CTDP1: variants seen among roughly 807,000 people sequenced by gnomAD.
CTDP1 encodes CTD phosphatase 1.
Under a neutral mutation model 91.8 loss-of-function variants are expected in CTDP1, and 47 were observed. That is an observed-to-expected ratio of 0.51 (90% CI 0.41 to 0.65). CTDP1 has a LOEUF of 0.65. CTDP1 is among the 30% of genes least tolerant of loss of function. The pLI is 0.00. For synonymous variants in CTDP1, 656 were observed against 598.5 expected (o/e 1.10, Z -1.40); for missense variants, 1,272 against 1,373.7 (o/e 0.93, Z 1.17).
intron 10 of CTDP1, among the ~76,000 whole-genome samples, chr18:79,726,153 C>T (rs572998826): frequency 1.3e-5 from 2 of 152,244 alleles, no homozygotes; most frequent in African/African-American, 4.8e-5. Context: ...GTATCTCGTG[C>T]ATCTCTAAGC....
intron 10 of CTDP1, among the ~76,000 whole-genome samples, chr18:79,726,904 G>A (rs568119125): frequency 2.8e-5 from 4 of 141,522 alleles, no homozygotes; most frequent in East Asian, 2.5e-4. Flanking sequence ...GATGGCTGTC[G>A]GGGTGGGATG....
In CTDP1 at chr18:79,713,094, T is replaced by C; in HGVS notation, c.986T>C (p.Met329Thr). The C allele has an allele frequency of 1.2e-6, 2 of 1,614,136 alleles. No homozygotes were observed. The highest frequency in any genetic ancestry group is 1.7e-6 in the Non-Finnish European group (2 of 1,180,032). ...GTATACTTCCAGGGCACGGGTGATA[T>C]GAATGCGCCCCCTGGGTCCCGAGAA... Reference protein sequence around the residue: ...KYVYFQGTGDMNAPPGSRESQ... With the variant: ...KYVYFQGTGDTNAPPGSRESQ... The change falls in exon 7 of 13, where the codon ATG (methionine) becomes ACG (threonine). Residue 329 changes from methionine (M) to threonine (T), a missense_variant. By Grantham distance (81) the Met-to-Thr change is moderately conservative. This residue lies in a region of CTDP1 where 881 missense variants were observed against 911.6 expected (regional missense o/e 0.97). Coordinates refer to ENST00000613122, the MANE Select transcript of CTDP1 (RefSeq NM_004715.5). This position sits in a 1 kb window ranked among gnomAD's most constrained non-coding sequence, Gnocchi z 4.7.
chr18:79,708,212 A>G (rs960830021), intron 5 of CTDP1, among the ~76,000 whole-genome samples: 1 of 152,244 alleles, frequency 6.6e-6, no homozygotes, highest in Non-Finnish European at 1.5e-5. Context: ...TACGGATCCC[A>G]CAGTGCATTG....
intron 12 of CTDP1, among the ~76,000 whole-genome samples, chr18:79,751,506 C>G (rs181524084): frequency 6.6e-6 from 1 of 152,276 alleles, no homozygotes; most frequent in Admixed American, 6.5e-5. Context: ...CGTGACTGAT[C>G]GGCTGTGTGT....
chr18:79,705,004 A>C (rs1452468847), intron 5 of CTDP1, 87 bp downstream of exon 5: 1 of 1,584,216 alleles, frequency 6.3e-7, no homozygotes, highest in Non-Finnish European at 8.6e-7. Context: ...TGAAGAAAGA[A>C]AAGAAGCTCT....
chr18:79,677,923 CTG>C (rs1454766198), upstream of CTDP1: 2 of 152,226 alleles, frequency 1.3e-5, no homozygotes, highest in Non-Finnish European at 2.9e-5. Context: ...AACTGAAAAA[CTG>C]TGACTGCTGG....
chr18:79,697,986 A>C lies in CTDP1; in HGVS notation c.619A>C (p.Lys207Gln). The change falls in exon 4 of 13, where the codon AAA (lysine) becomes CAA (glutamine). Residue 207 changes from lysine to glutamine, a missense_variant and splice_region_variant. By Grantham distance (53) the Lys-to-Gln change is moderately conservative (BLOSUM62 1). Transcript: ENST00000613122. ...TEQHCQQMSN[K>Q]GIFHFQLGRG... ...GCAGCACTGTCAGCAGATGTCGAATAAAGTGAGTGCAGTCAGCATCTACGG... is the reference window on the plus strand; with the variant it reads ...GCAGCACTGTCAGCAGATGTCGAATCAAGTGAGTGCAGTCAGCATCTACGG... 1 of 1,614,222 alleles carries C rather than the reference A, an allele frequency of 6.2e-7. No individual in the cohort carries two copies. The highest frequency in any genetic ancestry group is 1.3e-5 in the African/African-American group (1 of 75,066).
intron 12 of CTDP1, among the ~76,000 whole-genome samples, chr18:79,747,511 T>G (rs2086904821): frequency 6.6e-6 from 1 of 152,154 alleles, no homozygotes; most frequent in African/African-American, 2.4e-5. Context: ...CCCAGCCCTG[T>G]GTTGTAGGTG....
intron 11 of CTDP1, among the ~76,000 whole-genome samples, chr18:79,732,600 G>A (rs994484467): frequency 6.9e-5 from 10 of 144,752 alleles, no homozygotes; most frequent in East Asian, 6.4e-4. Flanking sequence ...CCAAAATCAC[G>A]TGAGACATGA....
At chr18:79,729,816 G>C (rs536273256) in intron 11 of CTDP1, among the ~76,000 whole-genome samples, 5 of 152,214 alleles carry the variant, frequency 3.3e-5, no homozygotes, top group Admixed American at 3.3e-4. Context: ...CTCCTGTAAG[G>C]TGCCCTCATG....
chr18:79,723,555 G>C (rs533187977), intron 10 of CTDP1, among the ~76,000 whole-genome samples: 6 of 152,216 alleles, frequency 3.9e-5, no homozygotes, highest in Non-Finnish European at 8.8e-5. Context: ...CTGGGGACCT[G>C]GGGGTGAGTG....
Position 79,736,178 on chromosome 18 carries a change from G to A in CTDP1, c.2581-177G>A, listed in dbSNP as rs637103. 0.033 allele frequency: 25,420 copies of A among 761,338 alleles called. 1,162 individuals are homozygous for A. The highest frequency in any genetic ancestry group is 0.18 in the East Asian group (6,743 of 36,702). The allele number at this position is 761,338 out of a possible 1,614,324, so 47.2% of individuals were successfully genotyped here. On this transcript the variant is annotated intron_variant, in intron 11 of 12. Transcript: ENST00000613122. ...GTGGATTTCCAAGCGTCTTTTGCCC[G>A]GGGCTTTGTTAAGGATTGGTTGAGT...
intron 11 of CTDP1, 21 bp downstream of exon 11, chr18:79,729,090 G>C: frequency 6.2e-7 from 1 of 1,612,036 alleles, no homozygotes; most frequent in African/African-American, 1.3e-5. Context: ...CCCACGCCCC[G>C]GTGCCCGCGC....
chr18:79,692,528 C>G (rs2085646263), intron 1 of CTDP1, among the ~76,000 whole-genome samples: 1 of 152,254 alleles, frequency 6.6e-6, no homozygotes, highest in Non-Finnish European at 1.5e-5. Flanking sequence ...TAGAGCCACC[C>G]CAGATCCTTC....
chr18:79,697,761 G>A, intron 3 of CTDP1, 99 bp from the exon 4 acceptor site: 1 of 1,545,404 alleles, frequency 6.5e-7, no homozygotes, highest in Non-Finnish European at 8.9e-7. Flanking sequence ...GGCTGGAGGG[G>A]AACACATTGA....
chr18:79,706,962 G>A (rs183507007), intron 5 of CTDP1, among the ~76,000 whole-genome samples: 5 of 152,364 alleles, frequency 3.3e-5, no homozygotes, highest in Admixed American at 6.5e-5. Flanking sequence ...TCTGGTGCCC[G>A]TGCAAGTGTT....
At position 79,680,250 on chromosome 18, in the gene CTDP1, G is replaced by T; in HGVS notation, c.303G>T (p.Val101=). The T allele has an allele frequency of 7.7e-7, 1 of 1,300,932 alleles. No individual in the cohort carries two copies. The highest frequency in any genetic ancestry group is 9.7e-7 in the Non-Finnish European group (1 of 1,029,192). 80.6% of individuals were successfully genotyped at this position (1,300,932 alleles called of 1,614,324 possible). A position where few individuals can be genotyped will look rare whatever the true frequency, so the allele number is the denominator to read the frequency against. Residue 101 remains valine, a synonymous_variant, in exon 1 of 13, where the codon GTG becomes GTT. Transcript: ENST00000613122. ...AGCTGTGCGCGCAGCCGGGCCAGGT[G>T]GTCGCCCCAGGGTGAGTGTGCTGAG... ...VRELCAQPGQ[V]VAPGAVLVRL...
chr18:79,722,612 G>C (rs551188058), intron 10 of CTDP1, among the ~76,000 whole-genome samples: 1 of 152,340 alleles, frequency 6.6e-6, no homozygotes, highest in East Asian at 1.9e-4. Flanking sequence ...TTGCAGGCTG[G>C]ATGCATCTTT....
At chr18:79,698,645 G>A (rs752367900) in intron 4 of CTDP1, among the ~76,000 whole-genome samples, 1 of 152,170 alleles carries the variant, frequency 6.6e-6, no homozygotes, top group African/African-American at 2.4e-5. Context: ...CGGCCTAGAC[G>A]GTGGCCATCA....
Sources: allele counts gnomAD v4.1 joint callset (sites outside exome capture counted in the v4.1 genomes callset), GRCh38; gene constraint gnomAD v4.1.1; regional missense constraint gnomAD v4.1.1; non-coding constraint Gnocchi (gnomAD v3.1); transcripts MANE v1.5; gene names NCBI Gene and HGNC (gene_info 2026-07-23, HGNC 2026-07-21).